COL16A1: variants seen among roughly 807,000 people sequenced by gnomAD.
The protein encoded by COL16A1 is collagen alpha-1(XVI) chain.
Under a neutral mutation model 266.3 loss-of-function variants are expected in COL16A1, and 189 were observed. That is an observed-to-expected ratio of 0.71 (90% confidence interval 0.63 to 0.80). The LOEUF is 0.80. COL16A1 is among the 30% of genes least tolerant of loss of function. The probability of loss-of-function intolerance (pLI) is 0.00; values close to 1 mark genes in which losing one functional copy is unlikely to be tolerated. For synonymous variants in COL16A1, 740 were observed against 782.3 expected, an observed-to-expected ratio of 0.95 and a Z score of 0.90; for missense variants, 1,928 against 2,122.4, an observed-to-expected ratio of 0.91 and a Z score of 1.80.
Position 31,653,946 on chromosome 1 carries a change from G to T in COL16A1, c.4455C>A (p.Gly1485=), listed in dbSNP as rs968944168. 1.2e-6 allele frequency: 2 copies of T among 1,614,048 alleles called. No homozygotes were observed. The highest frequency in any genetic ancestry group is 1.7e-6 in the Non-Finnish European group (2 of 1,180,028). ...CAGGTGACCCTGGAGCACCTGGCCT[G>T]CCCGGAGCACCATCCTTCCCTGGAG... The part of the protein sequence containing the change: ...PGPPGKDGAP[G]RPGAPGSPGL... The change falls in exon 69 of 71, where the codon GGC becomes GGA. Residue 1485 remains glycine, a synonymous_variant. Coordinates refer to ENST00000373672, the MANE Select transcript of COL16A1 (RefSeq NM_001856.4).
At chr1:31,665,329 GCAATT>G (rs1167294875) in intron 55 of COL16A1, 95 bp from the exon 56 acceptor site, 73 of 1,526,182 alleles carry the variant, frequency 4.8e-5, no homozygotes, top group Non-Finnish European at 6.3e-5. Flanking sequence ...TGTTGTTAAT[GCAATT>G]CATTTTGACT....
rs577389950 is a variant in COL16A1, at chr1:31,652,943, T to C, written c.4613-90A>G. On this transcript the variant is annotated intron_variant, in intron 70 of 70. Transcript: ENST00000373672. This position sits in a 1 kb window ranked among gnomAD's most constrained non-coding sequence, Gnocchi z 4.8. ...AATGGCATCAAATAATACCTTACAT[T>C]TGATGACTGTTTCTCAAGTTACCAC... is the stretch of plus-strand genomic sequence containing the variant. 1.6e-6 allele frequency: 2 copies of C among 1,247,396 alleles called. No individual in the cohort carries two copies. The highest frequency in any genetic ancestry group is 2.1e-5 in the South Asian group (1 of 47,094). 77.3% of individuals were successfully genotyped at this position (1,247,396 alleles called of 1,614,324 possible).
chr1:31,682,840 C>CT, intron 37 of COL16A1, 94 bp downstream of exon 37: 1 of 1,496,542 alleles, frequency 6.7e-7, no homozygotes, highest in Non-Finnish European at 9.2e-7. Flanking sequence ...CCCTGTGCTG[C>CT]TGGGATGGGC....
intron 42 of COL16A1, among the ~76,000 whole-genome samples, chr1:31,677,041 G>T (rs1291787691): frequency 6.6e-6 from 1 of 152,202 alleles, no homozygotes; most frequent in East Asian, 1.9e-4. Context: ...GCAGTGCCTG[G>T]CACAGGGAAA....
chr1:31,668,591 C>G lies in COL16A1; in HGVS notation c.3249+211G>C, dbSNP rs1642355471. Among the ~76,000 whole-genome samples the G allele has an allele frequency of 6.6e-6, 1 of 152,118 alleles. No individual in the cohort carries two copies. The highest frequency in any genetic ancestry group is 2.4e-5 in the African/African-American group (1 of 41,426). ...GGACAGGGGCTGTGCATGCTTCTGG[C>G]AGGGAGTCAGGGCACATGGAGATCG... On this transcript the variant is annotated intron_variant, in intron 50 of 70. Transcript: ENST00000373672. This position sits in a 1 kb window ranked among gnomAD's most constrained non-coding sequence, Gnocchi z 5.8.
At position 31,700,036 on chromosome 1, in the gene COL16A1, CTCACCA is replaced by C. The variant is rs1302465795; in HGVS notation, c.147_148+4del. On this transcript the variant is annotated splice_donor_variant and splice_donor_region_variant and coding_sequence_variant and intron_variant, in exon 3 of 71. Transcript: ENST00000373672. LOFTEE classifies it high-confidence loss of function. ...GACGGCGCGATGAGATGGTTGGGTG[CTCACCA>C]GTCACGTTGGCTGGCAGGCTACTAC... The C allele has an allele frequency of 6.2e-7, 1 of 1,613,984 alleles. No individual in the cohort carries two copies. The highest frequency in any genetic ancestry group is 1.3e-5 in the African/African-American group (1 of 74,890).
chr1:31,670,467 G>T lies in COL16A1; in HGVS notation c.3195+135C>A. Reference sequence around the variant, plus strand: ...GCCGGGACCTCAGAGAACCCGTGTCGTTAGCTACCGTGCCTGAAGGGGGAC... The same window carrying T: ...GCCGGGACCTCAGAGAACCCGTGTCTTTAGCTACCGTGCCTGAAGGGGGAC... On this transcript the variant is annotated intron_variant, in intron 49 of 70. Transcript: ENST00000373672. This position sits in a 1 kb window ranked among gnomAD's most constrained non-coding sequence, Gnocchi z 4.5. 1 of 1,172,766 alleles carries T rather than the reference G, an allele frequency of 8.5e-7. No individual in the cohort carries two copies. The highest frequency in any genetic ancestry group is 1.1e-6 in the Non-Finnish European group (1 of 905,596). The allele number at this position is 1,172,766 out of a possible 1,614,324, so 72.6% of individuals were successfully genotyped here. A position where few individuals can be genotyped will look rare whatever the true frequency, so the allele number is the denominator to read the frequency against.
chr1:31,683,843 G>A, intron 33 of COL16A1, 95 bp from the exon 34 acceptor site: 1 of 1,605,218 alleles, frequency 6.2e-7, no homozygotes, highest in South Asian at 1.1e-5. Context: ...TTCCTGCCCT[G>A]CACCCTGCCT....
Position 31,661,689 on chromosome 1 carries a change from C to A in COL16A1, c.3697G>T (p.Ala1233Ser), listed in dbSNP as rs770098752. The part of the protein sequence containing the change: ...KPGLRGDPGP[A>S]GPPGLMGPPG... ...GGTCCCATGAGTCCAGGGGGGCCAG[C>A]AGGACCAGGGTCCCCCTAGGGAAAG... is the stretch of plus-strand genomic sequence containing the variant. Residue 1233 changes from alanine (A) to serine (S), a missense_variant, in exon 59 of 71, where the codon GCT becomes TCT. Ala to Ser is a moderately conservative substitution (Grantham distance 99). Coordinates refer to ENST00000373672, the MANE Select transcript of COL16A1 (RefSeq NM_001856.4). 1.2e-6 allele frequency: 2 copies of A among 1,602,930 alleles called. No individual in the cohort carries two copies. The highest frequency in any genetic ancestry group is 2.2e-5 in the South Asian group (2 of 89,082).
intron 33 of COL16A1, 49 bp downstream of exon 33, chr1:31,683,901 C>A (rs1445116645): frequency 1.2e-6 from 2 of 1,613,124 alleles, no homozygotes; most frequent in Non-Finnish European, 1.7e-6. Context: ...CCCTATCCCA[C>A]CCCTGCCCTC....
chr1:31,657,233 C>T lies in COL16A1; in HGVS notation c.4021-165G>A, dbSNP rs538522493. On this transcript the variant is annotated intron_variant, in intron 64 of 70. Transcript: ENST00000373672. The surrounding 1 kb of genome is among the most constrained non-coding windows in gnomAD (Gnocchi z 6.4). ...TGGGCACAGGCCGTGGAAACTTAGA[C>T]CCCCACCCCATACTCCAGCGTGATC... The T allele has an allele frequency of 2.6e-6, 2 of 770,474 alleles. No homozygotes were observed. The highest frequency in any genetic ancestry group is 2.7e-5 in the East Asian group (1 of 37,430). 47.7% of individuals were successfully genotyped at this position (770,474 alleles called of 1,614,324 possible). A position where few individuals can be genotyped will look rare whatever the true frequency, so the allele number is the denominator to read the frequency against.
intron 42 of COL16A1, 195 bp downstream of exon 42, chr1:31,679,437 G>A (rs1433935116): frequency 6.3e-7 from 1 of 1,588,350 alleles, no homozygotes; most frequent in East Asian, 2.3e-5. Flanking sequence ...AAACAGTGCT[G>A]GGAGTGCAGA....
intron 64 of COL16A1, 121 bp downstream of exon 64, chr1:31,658,367 T>A: frequency 1.2e-6 from 1 of 869,228 alleles, no homozygotes; most frequent in Non-Finnish European, 1.8e-6. Context: ...CACGCTGCCA[T>A]CCTGCCATGC....
intron 26 of COL16A1, among the ~76,000 whole-genome samples, chr1:31,686,952 G>A (rs911344700): frequency 5.9e-5 from 9 of 152,246 alleles, no homozygotes. Context: ...AGAAGGGGAA[G>A]AAGCGGATGA....
At chr1:31,655,265 A>G (rs766507544) in intron 67 of COL16A1, 49 bp downstream of exon 67, 1 of 1,566,004 alleles carries the variant, frequency 6.4e-7, no homozygotes. Context: ...TCCACCCCAC[A>G]TGCCTGCTCT....
At chr1:31,667,521 A>G (rs1642239100) in intron 52 of COL16A1, 54 bp downstream of exon 52, 6 of 1,473,534 alleles carry the variant, frequency 4.1e-6, no homozygotes, top group Non-Finnish European at 5.6e-6. Context: ...CCAGCCCGAG[A>G]CTGTGTGGCT....
In COL16A1 at chr1:31,682,284, G is replaced by A. The variant is rs148470699; in HGVS notation, c.2538+650C>T. 1.2e-3 allele frequency among the ~76,000 whole-genome samples: 184 copies of A among 152,336 alleles called. 1 individual carries two copies. The highest frequency in any genetic ancestry group is 6.8e-3 in the Middle Eastern group (2 of 294). ...TCTTAAAACGTGGGAGCCACTGGGTGAATAGTACAAAGGGAAGGTCTTTCC... is the reference window on the plus strand; with the variant it reads ...TCTTAAAACGTGGGAGCCACTGGGTAAATAGTACAAAGGGAAGGTCTTTCC... On this transcript the variant is annotated intron_variant, in intron 37 of 70. Coordinates refer to ENST00000373672, the MANE Select transcript of COL16A1 (RefSeq NM_001856.4).
In COL16A1 at chr1:31,685,753, C is replaced by T. The variant is rs763068140; in HGVS notation, c.1902G>A (p.Pro634=). ...IKGAKGEPCE[P]CPALSNLQDG... is the part of the protein sequence containing the mutation. ...CCTGAAGGTTGGACAGGGCTGGGCA[C>T]GGCTCACAGGGCTCCCCCTGCCAAG... The change falls in exon 29 of 71, where the codon CCG becomes CCA. Residue 634 remains proline (P), a synonymous_variant. Transcript: ENST00000373672. The surrounding 1 kb of genome is among the most constrained non-coding windows in gnomAD (Gnocchi z 4.0). The T allele has an allele frequency of 2.9e-5, 47 of 1,613,826 alleles. No homozygotes were observed. The East Asian group carries it at 4.0e-4, about 14-fold the overall frequency.
rs1427519094 is a variant in COL16A1 at position 31,664,772 on chromosome 1, G to A, written c.3555+400C>T. 6.6e-6 allele frequency among the ~76,000 whole-genome samples: 1 copy of A among 152,136 alleles called. No individual in the cohort carries two copies. The highest frequency in any genetic ancestry group is 6.5e-5 in the Admixed American group (1 of 15,268). ...CCTTCCACGTTGGTGTCCTCCTTCA[G>A]GACGTGCTTCCCCCTTCTCTCAGCT... On this transcript the variant is annotated intron_variant, in intron 56 of 70. Transcript: ENST00000373672. This position sits in a 1 kb window ranked among gnomAD's most constrained non-coding sequence, Gnocchi z 5.5.
Sources: allele counts gnomAD v4.1 joint callset (sites outside exome capture counted in the v4.1 genomes callset), GRCh38; gene constraint gnomAD v4.1.1; non-coding constraint Gnocchi (gnomAD v3.1); transcripts MANE v1.5; gene names NCBI Gene and HGNC (gene_info 2026-07-23, HGNC 2026-07-21).